Variants in TNRC6B observed in about 807,000 individuals in gnomAD.
The protein encoded by TNRC6B is trinucleotide repeat-containing gene 6B protein.
TNRC6B carries 52 observed loss-of-function variants against 203.6 expected under a neutral mutation model. That is an observed-to-expected ratio of 0.26 (90% CI 0.20 to 0.32). The LOEUF is 0.32. Ranked by LOEUF, TNRC6B falls within the 10% of genes least tolerant of loss-of-function variation. The pLI, the probability that TNRC6B is intolerant of heterozygous loss-of-function variation, is 1.00. For missense variants in TNRC6B, 1,923 were observed against 2,286.2 expected (o/e 0.84, Z 3.24); for synonymous variants, 838 against 845.7 (o/e 0.99, Z 0.16).
chr22:40,157,530 T>G (rs1258851971), intron 4 of TNRC6B, among the ~76,000 whole-genome samples: 1 of 152,212 alleles, frequency 6.6e-6, no homozygotes, highest in Admixed American at 6.5e-5. Context: ...CACAGCTGGT[T>G]TAATTTGCTA....
chr22:40,136,977 A>G (rs1428854098), intron 3 of TNRC6B, among the ~76,000 whole-genome samples: 1 of 152,244 alleles, frequency 6.6e-6, no homozygotes, highest in Non-Finnish European at 1.5e-5. Flanking sequence ...CATAAAATAC[A>G]CAGTAGTATT....
At chr22:40,171,286 C>T (rs953206418) in intron 4 of TNRC6B, among the ~76,000 whole-genome samples, 3 of 151,432 alleles carry the variant, frequency 2.0e-5, no homozygotes, top group African/African-American at 4.9e-5. Flanking sequence ...CTCAGCCTCC[C>T]GAGTAGCTGA....
chr22:40,068,917 G>A (rs1412705672), intron 1 of TNRC6B, among the ~76,000 whole-genome samples: 1 of 151,388 alleles, frequency 6.6e-6, no homozygotes, highest in African/African-American at 2.4e-5. Context: ...TATATGAGGT[G>A]GACTTTTTAC....
In TNRC6B at chr22:40,264,622, C is replaced by T; in HGVS notation, c.458-66C>T. The T allele has an allele frequency of 2.0e-6, 3 of 1,500,186 alleles. No individual in the cohort carries two copies. In the African/African-American group the frequency reaches 4.2e-5, roughly 21 times the overall value. The allele number at this position is 1,500,186 out of a possible 1,614,324, so 92.9% of individuals were successfully genotyped here. ...AAGGGCAGAGCTCAAAGGAGAGCCC[C>T]TTTGAGGGATTAATGGGTAATGAAT... On this transcript the variant is annotated intron_variant, in intron 4 of 22. Transcript: ENST00000454349.
chr22:40,150,904 A>C lies in TNRC6B; in HGVS notation c.46-5211A>C, dbSNP rs1191547390. ...GTCCCTTCCTGATCACCCTCCAGAA[A>C]GCTAACCCCTGGATAAGGAAACTCT... On this transcript the variant is annotated intron_variant, in intron 3 of 23. Transcript: ENST00000301923. 2.6e-5 allele frequency among the ~76,000 whole-genome samples: 4 copies of C among 152,240 alleles called. No homozygotes were observed. In the East Asian group the frequency reaches 5.8e-4, roughly 22 times the overall value.
At chr22:40,317,828 A>G (rs1335574729) in intron 21 of TNRC6B, among the ~76,000 whole-genome samples, 2 of 152,170 alleles carry the variant, frequency 1.3e-5, no homozygotes, top group African/African-American at 4.8e-5. Flanking sequence ...GTCCATCACA[A>G]CCTTTACAAC....
chr22:40,101,312 A>G (rs1212053426), intron 1 of TNRC6B, among the ~76,000 whole-genome samples: 1 of 151,924 alleles, frequency 6.6e-6, no homozygotes, highest in Non-Finnish European at 1.5e-5. Flanking sequence ...TAAATAACTA[A>G]TTTTCAAACT....
chr22:40,278,174 G>C (rs1053866780), intron 9 of TNRC6B, 130 bp downstream of exon 9: 10 of 739,152 alleles, frequency 1.4e-5, no homozygotes, highest in Non-Finnish European at 2.4e-5. Flanking sequence ...TCTTTGTAAG[G>C]TACTGTGCTA....
chr22:40,283,111 C>T (rs996134413), intron 11 of TNRC6B, among the ~76,000 whole-genome samples: 5 of 152,116 alleles, frequency 3.3e-5, no homozygotes, highest in East Asian at 3.9e-4. Context: ...TCTCTGCTCA[C>T]TGCAAGCTCA....
At chr22:40,068,598 G>A (rs1049707866) in intron 1 of TNRC6B, among the ~76,000 whole-genome samples, 6 of 151,798 alleles carry the variant, frequency 4.0e-5, no homozygotes, top group Non-Finnish European at 7.4e-5. Context: ...GATTACAGGC[G>A]TGAGCCACCG....
At chr22:40,253,458 C>G (rs2070224220) in intron 3 of TNRC6B, 1 of 433,162 alleles carries the variant, frequency 2.3e-6, no homozygotes, top group Non-Finnish European at 4.6e-6. Flanking sequence ...ACTCTTCTTT[C>G]CTCTACCAGT....
At chr22:40,203,010 G>A (rs771568849) in intron 1 of TNRC6B, among the ~76,000 whole-genome samples, 3 of 152,084 alleles carry the variant, frequency 2.0e-5, no homozygotes, top group Non-Finnish European at 4.4e-5. Flanking sequence ...CTATGATAAG[G>A]CCAAGTTCTG....
chr22:40,218,056 A>G (rs1413814404), intron 1 of TNRC6B, among the ~76,000 whole-genome samples: 1 of 151,836 alleles, frequency 6.6e-6, no homozygotes, highest in Non-Finnish European at 1.5e-5. Flanking sequence ...TATTTGTCTC[A>G]GTGAATTCTA....
At chr22:40,251,144 C>T (rs1462589584) in intron 2 of TNRC6B, 35 bp from the exon 3 acceptor site, 2 of 1,519,232 alleles carry the variant, frequency 1.3e-6, no homozygotes, top group Admixed American at 4.2e-5. Context: ...AATTAAAAAG[C>T]AAATCTCATT....
At chr22:40,161,401 A>C (rs1229880990) in intron 4 of TNRC6B, among the ~76,000 whole-genome samples, 2 of 152,148 alleles carry the variant, frequency 1.3e-5, no homozygotes, top group Non-Finnish European at 2.9e-5. Flanking sequence ...TAACTTACTC[A>C]AGGTCACAGA....
At chr22:40,202,865 G>A (rs948230877) in intron 1 of TNRC6B, among the ~76,000 whole-genome samples, 4 of 152,094 alleles carry the variant, frequency 2.6e-5, no homozygotes, top group African/African-American at 7.2e-5. Flanking sequence ...CAGCTTGTCA[G>A]CATTGCTTCC....
intron 1 of TNRC6B, among the ~76,000 whole-genome samples, chr22:40,191,939 CG>C (rs1260170664): frequency 2.0e-5 from 3 of 152,092 alleles, no homozygotes; most frequent in African/African-American, 7.2e-5. Flanking sequence ...TTAGTAGAGA[CG>C]GGGTTTCGCC....
intron 3 of TNRC6B, among the ~76,000 whole-genome samples, chr22:40,135,139 G>T (rs1380937003): frequency 6.6e-6 from 1 of 152,208 alleles, no homozygotes; most frequent in Middle Eastern, 3.2e-3. Context: ...CAGCATGGTG[G>T]CAGGGATTCA....
chr22:40,292,306 T>A (rs1157148925), intron 12 of TNRC6B, among the ~76,000 whole-genome samples: 1 of 151,354 alleles, frequency 6.6e-6, no homozygotes, highest in Non-Finnish European at 1.5e-5. Flanking sequence ...TGAGCTGAGA[T>A]TGTGCCACTG....
Sources: gnomAD v4.1 joint callset for allele counts (sites outside exome capture counted in the v4.1 genomes callset) on GRCh38, gnomAD v4.1.1 for gene constraint, MANE v1.5 for transcripts, NCBI Gene and HGNC (gene_info 2026-07-23, HGNC 2026-07-21) for gene names.